PLCG2: variants seen among roughly 807,000 people sequenced by gnomAD.
PLCG2 encodes the protein phospholipase C gamma 2, also known as 1-phosphatidylinositol 4,5-bisphosphate phosphodiesterase gamma-2.
A neutral mutation model predicts 175.6 loss-of-function variants in PLCG2; 69 were observed. The observed-to-expected ratio is 0.39, with a 90% CI of 0.32 to 0.48. The LOEUF (loss-of-function observed/expected upper bound fraction) is 0.48, where lower values mean the gene tolerates loss of function less well. Among genes scored for constraint, PLCG2 ranks in the 20% least tolerant of loss-of-function variants. The pLI, the probability that PLCG2 is intolerant of heterozygous loss-of-function variation, is 0.91. For synonymous variants in PLCG2, 827 were observed against 624.0 expected, an observed-to-expected ratio of 1.33 and a Z score of -4.85; for missense variants, 1,798 against 1,650.9, an observed-to-expected ratio of 1.09 and a Z score of -1.54.
At chr16:81,940,204 G>GCATA (rs377319437) in intron 30 of PLCG2, 145 bp downstream of exon 30, 13 of 674,008 alleles carry the variant, frequency 1.9e-5, no homozygotes, top group Middle Eastern at 3.0e-4. Flanking sequence ...GAGAGCAGGT[G>GCATA]TACAGCCTGT....
At chr16:81,863,533 C>A (rs889612535) in intron 5 of PLCG2, among the ~76,000 whole-genome samples, 1 of 152,192 alleles carries the variant, frequency 6.6e-6, no homozygotes, top group African/African-American at 2.4e-5. Flanking sequence ...CTGTTTGAGT[C>A]TCTGCTTTAA....
At chr16:81,865,145 G>T (rs558534733) in intron 5 of PLCG2, among the ~76,000 whole-genome samples, 1 of 152,162 alleles carries the variant, frequency 6.6e-6, no homozygotes, top group African/African-American at 2.4e-5. Flanking sequence ...GAGCTGTCCT[G>T]AATTGAGACT....
intron 1 of PLCG2, among the ~76,000 whole-genome samples, chr16:81,746,116 C>G (rs919965477): frequency 6.6e-6 from 1 of 152,226 alleles, no homozygotes; most frequent in African/African-American, 2.4e-5. Flanking sequence ...CGAATGGAAC[C>G]TCTATTAACC....
chr16:81,939,583 A>T (rs1017933025), intron 29 of PLCG2, among the ~76,000 whole-genome samples: 3 of 150,062 alleles, frequency 2.0e-5, no homozygotes, highest in African/African-American at 7.5e-5. Context: ...GTCTTTTCCA[A>T]AATCCACCTT....
intron 2 of PLCG2, among the ~76,000 whole-genome samples, chr16:81,789,711 G>A (rs368036121): frequency 1.3e-5 from 2 of 151,964 alleles, no homozygotes; most frequent in South Asian, 2.1e-4. Flanking sequence ...TAAGTCCCCC[G>A]GATGGTCTGG....
chr16:81,928,646 G>C, intron 24 of PLCG2, 22 bp downstream of exon 24: 2 of 1,553,444 alleles, frequency 1.3e-6, no homozygotes, highest in Non-Finnish European at 8.9e-7. Context: ...CATCATCTTA[G>C]CCTGGATTTC....
chr16:81,843,247 G>A (rs1233441148), intron 2 of PLCG2, among the ~76,000 whole-genome samples: 1 of 152,206 alleles, frequency 6.6e-6, no homozygotes, highest in East Asian at 1.9e-4. Flanking sequence ...AGCCCTCCTT[G>A]ACCATCATTT....
intron 19 of PLCG2, among the ~76,000 whole-genome samples, chr16:81,916,138 G>GT (rs140039435): frequency 0.058 from 8,786 of 151,764 alleles, 318 homozygotes; most frequent in African/African-American, 0.1. Context: ...TCTTTCCTCT[G>GT]TTTTTTTAGA....
chr16:81,792,119 C>T (rs1296082280), intron 2 of PLCG2, among the ~76,000 whole-genome samples: 1 of 152,186 alleles, frequency 6.6e-6, no homozygotes, highest in Non-Finnish European at 1.5e-5. Flanking sequence ...CATGTCGACT[C>T]TGAATCCCAA....
intron 2 of PLCG2, among the ~76,000 whole-genome samples, chr16:81,817,895 T>C (rs1164737487): frequency 6.6e-6 from 1 of 152,220 alleles, no homozygotes; most frequent in East Asian, 1.9e-4. Context: ...TGTTCTCACG[T>C]TCCTTACTGT....
At chr16:81,920,549 T>C (rs1420634330) in intron 20 of PLCG2, among the ~76,000 whole-genome samples, 1 of 151,790 alleles carries the variant, frequency 6.6e-6, no homozygotes, top group Non-Finnish European at 1.5e-5. Flanking sequence ...AGGGGAGAAA[T>C]GTGAGCCGAA....
At chr16:81,853,817 C>G (rs558738608) in intron 2 of PLCG2, among the ~76,000 whole-genome samples, 106 of 152,294 alleles carry the variant, frequency 7.0e-4, no homozygotes, top group African/African-American at 2.4e-3. Flanking sequence ...GTCCATTACT[C>G]TGGACTGTTA....
intron 2 of PLCG2, among the ~76,000 whole-genome samples, chr16:81,829,337 G>C (rs1212592519): frequency 6.6e-6 from 1 of 152,146 alleles, no homozygotes; most frequent in Non-Finnish European, 1.5e-5. Flanking sequence ...TTGAACTCCT[G>C]ACTTCAGGTG....
At chr16:81,932,390 G>C (rs1490889414) in intron 25 of PLCG2, among the ~76,000 whole-genome samples, 1 of 152,318 alleles carries the variant, frequency 6.6e-6, no homozygotes, top group South Asian at 2.1e-4. Context: ...ACATGGGAAA[G>C]TGCCACCCTG....
Position 81,931,666 on chromosome 16 carries a change from C to G in PLCG2, c.2739+12C>G, listed in dbSNP as rs1431211687. On this transcript the variant is annotated intron_variant, in intron 25 of 32. Coordinates refer to ENST00000564138, the MANE Select transcript of PLCG2 (RefSeq NM_002661.5). Reference sequence around the variant, plus strand: ...AGATTGACACCAAGGTAGGCACCTGCTCACCCGGGTGCAGGTGGGCCTGGC... The same window carrying G: ...AGATTGACACCAAGGTAGGCACCTGGTCACCCGGGTGCAGGTGGGCCTGGC... 2 of 1,610,148 alleles carry G rather than the reference C, an allele frequency of 1.2e-6. No individual in the cohort carries two copies. The highest frequency in any genetic ancestry group is 1.3e-5 in the African/African-American group (1 of 74,854).
intron 17 of PLCG2, 46 bp from the exon 18 acceptor site, chr16:81,910,474 G>C (rs762392804): frequency 1.9e-6 from 3 of 1,573,002 alleles, no homozygotes; most frequent in Non-Finnish European, 2.6e-6. Flanking sequence ...TGCCGCAATG[G>C]CCTGGCCTGC....
At chr16:81,911,946 T>A (rs560676129) in intron 18 of PLCG2, among the ~76,000 whole-genome samples, 1 of 151,564 alleles carries the variant, frequency 6.6e-6, no homozygotes, top group Non-Finnish European at 1.5e-5. Flanking sequence ...TACAGGCGCC[T>A]GCCACCATGC....
At chr16:81,771,323 G>A (rs1402656014) in intron 2 of PLCG2, among the ~76,000 whole-genome samples, 1 of 152,164 alleles carries the variant, frequency 6.6e-6, no homozygotes, top group African/African-American at 2.4e-5. Context: ...AAACGCCTGT[G>A]CTCAAGGGAT....
intron 1 of PLCG2, among the ~76,000 whole-genome samples, chr16:81,783,424 T>C (rs911059111): frequency 1.3e-5 from 2 of 152,222 alleles, no homozygotes; most frequent in East Asian, 1.9e-4. Context: ...TTTTGCTACT[T>C]TCTATCTGTG....
Sources: allele counts gnomAD v4.1 joint callset (sites outside exome capture counted in the v4.1 genomes callset), GRCh38; gene constraint gnomAD v4.1.1; transcripts MANE v1.5; gene names NCBI Gene and HGNC (gene_info 2026-07-23, HGNC 2026-07-21).